The following GRID2 variants were observed in gnomAD, a reference collection of about 807,000 sequenced individuals.
GRID2 encodes the protein glutamate receptor ionotropic, delta-2.
In GRID2, 33 loss-of-function variants were observed where a neutral mutation model predicts 114.8. The observed-to-expected ratio is 0.29, with a 90% CI of 0.22 to 0.38. GRID2 has a LOEUF of 0.38. GRID2 is among the 10% of genes least tolerant of loss of function. The pLI, the probability that GRID2 is intolerant of heterozygous loss-of-function variation, is 1.00. For synonymous variants in GRID2, 505 were observed against 449.9 expected (o/e 1.12, Z -1.55); for missense variants, 1,184 against 1,257.7 (o/e 0.94, Z 0.89).
chr4:92,567,672 T>A (rs1727401635), intron 1 of GRID2, among the ~76,000 whole-genome samples: 2 of 152,072 alleles, frequency 1.3e-5, no homozygotes, highest in African/African-American at 4.8e-5. Flanking sequence ...TCAGATATGA[T>A]CTCTTGCCAA....
intron 2 of GRID2, among the ~76,000 whole-genome samples, chr4:92,916,050 G>T (rs952797937): frequency 6.6e-6 from 1 of 151,786 alleles, no homozygotes; most frequent in Non-Finnish European, 1.5e-5. Context: ...TTTTCTTTGC[G>T]ATGCGTAAAC....
chr4:93,482,560 G>A (rs1470690485), intron 11 of GRID2, among the ~76,000 whole-genome samples: 2 of 151,904 alleles, frequency 1.3e-5, no homozygotes, highest in Non-Finnish European at 2.9e-5. Flanking sequence ...GGAAGGGAGA[G>A]CATTAGGACA....
At chr4:92,850,346 T>A (rs1743684064) in intron 2 of GRID2, among the ~76,000 whole-genome samples, 1 of 151,856 alleles carries the variant, frequency 6.6e-6, no homozygotes, top group African/African-American at 2.4e-5. Flanking sequence ...TATGCATTGT[T>A]TCAGGTATTT....
intron 2 of GRID2, among the ~76,000 whole-genome samples, chr4:93,054,561 A>G (rs1727046005): frequency 6.6e-6 from 1 of 152,040 alleles, no homozygotes; most frequent in Non-Finnish European, 1.5e-5. Context: ...CAAGACAAGG[A>G]CTGCACACTT....
intron 2 of GRID2, among the ~76,000 whole-genome samples, chr4:93,076,747 A>G (rs1317570645): frequency 1.3e-5 from 2 of 151,186 alleles, no homozygotes; most frequent in Non-Finnish European, 2.9e-5. Flanking sequence ...CCTCCCAAGT[A>G]GCTGGGATTA....
intron 1 of GRID2, among the ~76,000 whole-genome samples, chr4:92,548,288 A>G (rs532775981): frequency 2.4e-4 from 37 of 152,090 alleles, no homozygotes; most frequent in African/African-American, 8.2e-4. Flanking sequence ...TGCACTTGCC[A>G]TGTAGCAGGT....
chr4:92,565,094 G>T (rs974697991), intron 1 of GRID2, among the ~76,000 whole-genome samples: 3 of 151,930 alleles, frequency 2.0e-5, no homozygotes, highest in Non-Finnish European at 4.4e-5. Context: ...CCTCACTTGG[G>T]TACTAATTAC....
intron 7 of GRID2, among the ~76,000 whole-genome samples, chr4:93,234,256 A>G (rs1371353264): frequency 3.3e-5 from 5 of 152,126 alleles, no homozygotes; most frequent in African/African-American, 7.2e-5. Flanking sequence ...TTTTGATCAT[A>G]AAGTAGGTAA....
chr4:93,724,139 A>G (rs1729631831), intron 14 of GRID2, among the ~76,000 whole-genome samples: 1 of 152,224 alleles, frequency 6.6e-6, no homozygotes, highest in Admixed American at 6.5e-5. Flanking sequence ...GCTACCATCC[A>G]GATTCACTTT....
intron 14 of GRID2, among the ~76,000 whole-genome samples, chr4:93,741,171 A>G: frequency 3.7e-5 from 1 of 26,766 alleles, no homozygotes; most frequent in South Asian, 1.3e-3. Flanking sequence ...ATATATATAT[A>G]TACATATATA....
At chr4:93,332,065 T>A (rs1758521405) in intron 8 of GRID2, among the ~76,000 whole-genome samples, 1 of 152,122 alleles carries the variant, frequency 6.6e-6, no homozygotes, top group Non-Finnish European at 1.5e-5. Context: ...AATATAAGAC[T>A]TGCCTGAAAT....
At chr4:92,825,188 C>T (rs1020568303) in intron 2 of GRID2, among the ~76,000 whole-genome samples, 24 of 151,936 alleles carry the variant, frequency 1.6e-4, no homozygotes, top group African/African-American at 5.6e-4. Context: ...CAGTAGTAAA[C>T]CAGGGTACAA....
At chr4:92,372,924 C>T (rs1729185542) in intron 1 of GRID2, among the ~76,000 whole-genome samples, 1 of 151,876 alleles carries the variant, frequency 6.6e-6, no homozygotes, top group Admixed American at 6.6e-5. Context: ...GAAAAAATGC[C>T]AAAATGCATG....
At chr4:93,701,425 G>T (rs189560608) in intron 14 of GRID2, among the ~76,000 whole-genome samples, 1 of 152,200 alleles carries the variant, frequency 6.6e-6, no homozygotes, top group Admixed American at 6.5e-5. Context: ...TTTCTAAGCT[G>T]ATTATTTCAG....
At chr4:92,339,752 T>C (rs1022011942) in intron 1 of GRID2, among the ~76,000 whole-genome samples, 5 of 152,164 alleles carry the variant, frequency 3.3e-5, no homozygotes, top group Admixed American at 3.3e-4. Context: ...CTACTGAATC[T>C]AGACTGCACA....
chr4:93,323,909 CTT>C (rs1757530994), intron 8 of GRID2, among the ~76,000 whole-genome samples: 1 of 152,162 alleles, frequency 6.6e-6, no homozygotes, highest in African/African-American at 2.4e-5. Context: ...TATCCTGAGA[CTT>C]TGCTGAAGTT....
rs569199287 is a variant in GRID2, at chr4:92,568,500, G to A, written c.89-21631G>A. Among the ~76,000 whole-genome samples the A allele has an allele frequency of 2.6e-5, 4 of 152,022 alleles. No homozygotes were observed. In the South Asian group the frequency reaches 8.3e-4, roughly 32 times the overall value. On this transcript the variant is annotated intron_variant, in intron 1 of 15. Transcript: ENST00000282020. ...TTCTGAATATTTGATTTTGGTGGCG[G>A]GAATGAGGAACTCTACTAGTCTGTC... is the stretch of plus-strand genomic sequence containing the variant.
At chr4:92,663,819 G>A (rs1376460525) in intron 2 of GRID2, among the ~76,000 whole-genome samples, 1 of 150,904 alleles carries the variant, frequency 6.6e-6, no homozygotes, top group African/African-American at 2.4e-5. Flanking sequence ...GCAGCACCTG[G>A]CAACTGGCAT....
At chr4:92,902,566 C>T (rs1455592974) in intron 2 of GRID2, among the ~76,000 whole-genome samples, 1 of 151,994 alleles carries the variant, frequency 6.6e-6, no homozygotes, top group African/African-American at 2.4e-5. Flanking sequence ...AATTCTTTGC[C>T]TAGGCCAATG....
Sources: gnomAD v4.1 joint callset for allele counts (sites outside exome capture counted in the v4.1 genomes callset) on GRCh38, gnomAD v4.1.1 for gene constraint, MANE v1.5 for transcripts, NCBI Gene and HGNC (gene_info 2026-07-23, HGNC 2026-07-21) for gene names.